The following ESRRG variants were observed in gnomAD, a reference collection of about 807,000 sequenced individuals.
ESRRG encodes estrogen-related receptor gamma.
In ESRRG, 13 loss-of-function variants were observed where a neutral mutation model predicts 44.0. That is an observed-to-expected ratio of 0.30 (90% CI 0.19 to 0.47). The LOEUF (loss-of-function observed/expected upper bound fraction) is 0.47, where lower values mean the gene tolerates loss of function less well. ESRRG is among the 20% of genes least tolerant of loss of function. The probability of loss-of-function intolerance (pLI) is 1.00; values close to 1 mark genes in which losing one functional copy is unlikely to be tolerated. For missense variants in ESRRG, 395 were observed against 580.6 expected, an observed-to-expected ratio of 0.68 and a Z score of 3.29; for synonymous variants, 215 against 214.6, an observed-to-expected ratio of 1.00 and a Z score of -0.02.
intron 1 of ESRRG, among the ~76,000 whole-genome samples, chr1:217,117,293 T>C (rs1010960179): frequency 6.6e-6 from 1 of 152,290 alleles, no homozygotes; most frequent in African/African-American, 2.4e-5. Context: ...AATTTTAAAA[T>C]GAAATAAAGT....
rs71585811 is a variant in ESRRG, at chr1:217,088,398, C to CTTTTTTTTTTTT, written c.-106+1097_-106+1108dup. 1.3e-4 allele frequency among the ~76,000 whole-genome samples: 8 copies of CTTTTTTTTTTTT among 59,736 alleles called. 1 individual carries two copies. The highest frequency in any genetic ancestry group is 5.8e-4 in the African/African-American group (8 of 13,782). 39.2% of individuals were successfully genotyped at this position (59,736 alleles called of 152,430 possible). On this transcript the variant is annotated intron_variant, in intron 1 of 7. Coordinates refer to the ESRRG transcript ENST00000359162. The stretch of plus-strand genomic sequence containing the variant: ...TGCTGAGAATTTCTTTTTTTCCTGT[C>CTTTTTTTTTTTT]TTTTTTTTTTTTTTTTTTTTTTTTT...
At chr1:216,665,711 A>G (rs565933138) in intron 2 of ESRRG, among the ~76,000 whole-genome samples, 1 of 152,174 alleles carries the variant, frequency 6.6e-6, no homozygotes, top group Non-Finnish European at 1.5e-5. Flanking sequence ...CACATTTTTT[A>G]AGTTTAAATG....
At chr1:216,508,016 C>T (rs1404501063) in intron 6 of ESRRG, among the ~76,000 whole-genome samples, 1 of 152,186 alleles carries the variant, frequency 6.6e-6, no homozygotes, top group Non-Finnish European at 1.5e-5. Context: ...AAGTTTGAAT[C>T]ATTTAGCACG....
At chr1:216,794,168 T>A (rs1326594761) in intron 2 of ESRRG, among the ~76,000 whole-genome samples, 1 of 152,084 alleles carries the variant, frequency 6.6e-6, no homozygotes, top group Admixed American at 6.6e-5. Context: ...AAACTAAAAC[T>A]TGGCCTCACC....
chr1:216,744,698 C>G (rs1004779963), intron 2 of ESRRG, among the ~76,000 whole-genome samples: 1 of 152,148 alleles, frequency 6.6e-6, no homozygotes, highest in Non-Finnish European at 1.5e-5. Context: ...GCTGTGTTAC[C>G]TATGAGTAGT....
chr1:216,535,363 G>A (rs2050625899), intron 5 of ESRRG, among the ~76,000 whole-genome samples: 1 of 151,872 alleles, frequency 6.6e-6, no homozygotes, highest in Non-Finnish European at 1.5e-5. Context: ...CCTCAATATG[G>A]GCAGGGAAAA....
At chr1:216,609,302 A>C (rs2060316884) in intron 3 of ESRRG, among the ~76,000 whole-genome samples, 1 of 152,238 alleles carries the variant, frequency 6.6e-6, no homozygotes, top group Non-Finnish European at 1.5e-5. Context: ...TATAACTTGA[A>C]GCCTAGCACA....
Position 216,599,823 on chromosome 1 carries a change from G to GAA in ESRRG, c.590-31727_590-31726dup, listed in dbSNP as rs1314401225. On this transcript the variant is annotated intron_variant, in intron 3 of 6. Coordinates refer to ENST00000408911, the MANE Select transcript of ESRRG (RefSeq NM_001438.4). The stretch of plus-strand genomic sequence containing the variant: ...GTTCATGGAGGAGGAGAATTAACAG[G>GAA]AAAAAAAAAAAAAGAAAGAGAAGAA... Among the ~76,000 whole-genome samples, 87 of 136,982 alleles carry GAA rather than the reference G, an allele frequency of 6.4e-4. 2 individuals carry two copies. Among genetic ancestry groups the GAA allele is most frequent in the African/African-American group, 2.2e-3 (85 of 37,834 alleles). The allele number at this position is 136,982 out of a possible 152,430, so 89.9% of individuals were successfully genotyped here.
intron 1 of ESRRG, among the ~76,000 whole-genome samples, chr1:216,678,440 G>T (rs1288407040): frequency 6.6e-6 from 1 of 152,038 alleles, no homozygotes; most frequent in Non-Finnish European, 1.5e-5. Context: ...AGCATATTTT[G>T]TCCTAAAAAA....
chr1:216,664,033 G>C (rs1356534931), intron 2 of ESRRG, among the ~76,000 whole-genome samples: 1 of 152,116 alleles, frequency 6.6e-6, no homozygotes, highest in Non-Finnish European at 1.5e-5. Flanking sequence ...AGTTCTTACT[G>C]TCTCCTTTCT....
chr1:217,008,158 T>C (rs891047364), intron 1 of ESRRG, among the ~76,000 whole-genome samples: 1 of 152,206 alleles, frequency 6.6e-6, no homozygotes, highest in Non-Finnish European at 1.5e-5. Context: ...CATTTACACC[T>C]TTTAATTCCT....
intron 1 of ESRRG, chr1:216,715,163 G>A (rs1382916601): frequency 1.0e-6 from 1 of 984,974 alleles, no homozygotes; most frequent in Non-Finnish European, 1.2e-6. Flanking sequence ...TTAGCCAAGT[G>A]TGTAGTTCAG....
intron 3 of ESRRG, among the ~76,000 whole-genome samples, chr1:216,575,477 C>T (rs1257415921): frequency 6.6e-6 from 1 of 152,070 alleles, no homozygotes; most frequent in Non-Finnish European, 1.5e-5. Flanking sequence ...TGGGATAAAA[C>T]AAAATAGTGG....
chr1:216,548,904 A>G (rs1380986537), intron 5 of ESRRG, among the ~76,000 whole-genome samples: 5 of 152,162 alleles, frequency 3.3e-5, no homozygotes, highest in Non-Finnish European at 5.9e-5. Context: ...TAATTTTGTC[A>G]ATTTCAAATG....
intron 1 of ESRRG, among the ~76,000 whole-genome samples, chr1:217,121,910 G>A (rs962190315): frequency 1.3e-5 from 2 of 152,190 alleles, no homozygotes; most frequent in African/African-American, 2.4e-5. Flanking sequence ...ATATGACTAA[G>A]TTCTTGATGG....
At chr1:216,968,602 T>C (rs553698776) in intron 1 of ESRRG, among the ~76,000 whole-genome samples, 1 of 152,260 alleles carries the variant, frequency 6.6e-6, no homozygotes, top group South Asian at 2.1e-4. Context: ...ACTTGCCTAT[T>C]ATTTTGCCAA....
chr1:216,941,236 C>T (rs562741399), intron 1 of ESRRG, among the ~76,000 whole-genome samples: 2 of 152,100 alleles, frequency 1.3e-5, no homozygotes, highest in South Asian at 4.2e-4. Flanking sequence ...GGTCAGAAGC[C>T]CAAGAAGACC....
At chr1:216,865,317 C>T (rs896430610) in intron 2 of ESRRG, 6 of 151,802 alleles carry the variant, frequency 4.0e-5, no homozygotes, top group Admixed American at 1.3e-4. Flanking sequence ...ACAAAGCGGC[C>T]GTTTGCTCAG....
At chr1:216,657,090 C>T (rs1033038902) in intron 2 of ESRRG, among the ~76,000 whole-genome samples, 15 of 152,146 alleles carry the variant, frequency 9.9e-5, no homozygotes, top group Non-Finnish European at 2.2e-4. Flanking sequence ...TCCATTTTTA[C>T]AGTGATCTAA....
Sources: allele counts gnomAD v4.1 joint callset (sites outside exome capture counted in the v4.1 genomes callset), GRCh38; gene constraint gnomAD v4.1.1; transcripts MANE v1.5; gene names NCBI Gene and HGNC (gene_info 2026-07-23, HGNC 2026-07-21).